The following PCDHA3 variants were observed in gnomAD, a reference collection of about 807,000 sequenced individuals.
PCDHA3 encodes the protein protocadherin alpha-3.
In PCDHA3, 41 loss-of-function variants were observed where a neutral mutation model predicts 62.2. The ratio of observed to expected loss-of-function variants is 0.66; its 90% CI spans 0.51 to 0.86. PCDHA3 has a LOEUF of 0.86. Ranked by LOEUF, PCDHA3 falls within the 40% of genes least tolerant of loss-of-function variation. PCDHA3 has a pLI of 0.00. For missense variants in PCDHA3, 1,304 were observed against 1,241.2 expected, an observed-to-expected ratio of 1.05 and a Z score of -0.76; for synonymous variants, 640 against 555.4, an observed-to-expected ratio of 1.15 and a Z score of -2.14.
chr5:140,932,346 A>G lies in PCDHA3; in HGVS notation c.2395-46603A>G, dbSNP rs529573484. 2.6e-5 allele frequency among the ~76,000 whole-genome samples: 4 copies of G among 152,072 alleles called. No homozygotes were observed. In the South Asian group the frequency reaches 6.2e-4, roughly 24 times the overall value. ...AGCAAAAATGCATGAAACACTTACCATACAACTGGCCTTATTAAATTTCCA... is the reference window on the plus strand; with the variant it reads ...AGCAAAAATGCATGAAACACTTACCGTACAACTGGCCTTATTAAATTTCCA... On this transcript the variant is annotated intron_variant, in intron 1 of 3. Coordinates refer to ENST00000522353, the MANE Select transcript of PCDHA3 (RefSeq NM_018906.3).
intron 3 of PCDHA3, 57 bp downstream of exon 3, chr5:140,982,620 C>T: frequency 2.5e-6 from 4 of 1,588,470 alleles, no homozygotes. Flanking sequence ...ATCAGATGAC[C>T]TACTTTTGTA....
At position 140,982,579 on chromosome 5, in the gene PCDHA3, C is replaced by G. The variant is rs781915481; in HGVS notation, c.2542+16C>G. 7 of 1,612,084 alleles carry G rather than the reference C, an allele frequency of 4.3e-6. No individual in the cohort carries two copies. In the Admixed American group the frequency reaches 1.2e-4, roughly 27 times the overall value. On this transcript the variant is annotated intron_variant, in intron 3 of 3. Coordinates refer to ENST00000522353, the MANE Select transcript of PCDHA3 (RefSeq NM_018906.3). ...GCAACACCAGGTAAAGAGCTGGGGT[C>G]TCTCCATTCTTTCTTGGTTTCTGGA...
rs2150125438 is a variant in PCDHA3, at chr5:140,823,390, G to T, written c.2394+19799G>T. On this transcript the variant is annotated intron_variant, in intron 1 of 3. Transcript: ENST00000522353. The stretch of plus-strand genomic sequence containing the variant: ...GCAGTTCCAGGTGAGCGCGCGCGAC[G>T]CGGGCGTGCCGCCTCTGGGCAGCAA... 8 of 1,612,786 alleles carry T rather than the reference G, an allele frequency of 5.0e-6. No individual in the cohort carries two copies. The Admixed American group carries it at 1.2e-4, about 24-fold the overall frequency.
intron 1 of PCDHA3, chr5:140,851,368 A>T: frequency 1.0e-6 from 1 of 976,356 alleles, no homozygotes; most frequent in Non-Finnish European, 1.2e-6. Flanking sequence ...TGAACATCTG[A>T]TTGTTCAGCA....
chr5:140,852,046 T>C, intron 1 of PCDHA3: 1 of 917,334 alleles, frequency 1.1e-6, no homozygotes, highest in South Asian at 5.0e-5. Flanking sequence ...TTTTGTTATG[T>C]GGTTTATATT....
rs1346891167 is a variant in PCDHA3 at position 140,801,872 on chromosome 5, G to A, written c.675G>A (p.Thr225=). The stretch of plus-strand genomic sequence containing the variant: ...GTGGGAAACCAGAGCTCACTGGCAC[G>A]ACTCAACTAAAGATCACTGTTTTAG... The part of the protein sequence containing the change: ...IDGGKPELTG[T]TQLKITVLDV... Residue 225 remains threonine (T), a synonymous_variant, in exon 1 of 4, where the codon ACG becomes ACA. Coordinates refer to ENST00000522353, the MANE Select transcript of PCDHA3 (RefSeq NM_018906.3). 5 of 1,613,932 alleles carry A rather than the reference G, an allele frequency of 3.1e-6. No individual in the cohort carries two copies. The highest frequency in any genetic ancestry group is 3.3e-5 in the Admixed American group (2 of 60,002).
At chr5:141,009,301 T>C (rs942481990) in intron 3 of PCDHA3, among the ~76,000 whole-genome samples, 1 of 152,122 alleles carries the variant, frequency 6.6e-6, no homozygotes, top group Admixed American at 6.5e-5. Flanking sequence ...TAAAATTTTT[T>C]TTAAAAAGCT....
At chr5:140,804,891 C>T in intron 1 of PCDHA3, 1 of 669,168 alleles carries the variant, frequency 1.5e-6, no homozygotes, top group Non-Finnish European at 2.3e-6. Flanking sequence ...CCTCTCCTTC[C>T]CCTCACTTCC....
intron 1 of PCDHA3, among the ~76,000 whole-genome samples, chr5:140,886,063 G>A (rs547299842): frequency 3.3e-5 from 5 of 152,172 alleles, no homozygotes; most frequent in East Asian, 1.9e-4. Flanking sequence ...TTACAAAAGC[G>A]TAGGGCCATA....
chr5:140,882,602 A>G lies in PCDHA3; in HGVS notation c.2394+79011A>G, dbSNP rs782347582. 1.9e-6 allele frequency: 3 copies of G among 1,614,276 alleles called. No homozygotes were observed. In the South Asian group the frequency reaches 3.3e-5, roughly 18 times the overall value. ...CATCCACCTGGAGGTGATCGTGGAC[A>G]GGCCTCTGCAGGTTTTCCATGTGGA... On this transcript the variant is annotated intron_variant, in intron 1 of 3. Coordinates refer to ENST00000522353, the MANE Select transcript of PCDHA3 (RefSeq NM_018906.3).
chr5:140,950,995 C>G (rs1554219713), intron 1 of PCDHA3, among the ~76,000 whole-genome samples: 1 of 151,856 alleles, frequency 6.6e-6, no homozygotes, highest in Non-Finnish European at 1.5e-5. Flanking sequence ...TCTTTTAGCT[C>G]CATTTTTCCC....
chr5:140,933,314 G>A (rs925777839), intron 1 of PCDHA3, among the ~76,000 whole-genome samples: 2 of 151,914 alleles, frequency 1.3e-5, no homozygotes, highest in Non-Finnish European at 2.9e-5. Flanking sequence ...ATGCAATCTC[G>A]TATTCTCCTG....
At chr5:140,905,878 C>T (rs1187937436) in intron 1 of PCDHA3, among the ~76,000 whole-genome samples, 2 of 152,054 alleles carry the variant, frequency 1.3e-5, no homozygotes, top group African/African-American at 2.4e-5. Flanking sequence ...CAAGGCCCAA[C>T]AATAGGCCAT....
At chr5:140,870,990 G>C in intron 1 of PCDHA3, 6 of 1,613,518 alleles carry the variant, frequency 3.7e-6, no homozygotes, top group Non-Finnish European at 5.1e-6. Flanking sequence ...ACACGGGCGA[G>C]ATAAGCACAA....
Position 140,801,897 on chromosome 5 carries a change from G to A in PCDHA3, c.700G>A (p.Asp234Asn). 1 of 1,614,178 alleles carries A rather than the reference G, an allele frequency of 6.2e-7. No individual in the cohort carries two copies. Among genetic ancestry groups the A allele is most frequent in the Non-Finnish European group, 8.5e-7 (1 of 1,180,030 alleles). Residue 234 changes from aspartate (D) to asparagine (N), a missense_variant, in exon 1 of 4, where the codon GAT (aspartate) becomes AAT (asparagine). Asp to Asn is a conservative substitution (Grantham distance 23, BLOSUM62 1). Coordinates refer to ENST00000522353, the MANE Select transcript of PCDHA3 (RefSeq NM_018906.3). ...GTTQLKITVLDVNDNAPAFER... is the reference protein window; with the variant it reads ...GTTQLKITVLNVNDNAPAFER... Reference sequence around the variant, plus strand: ...GACTCAACTAAAGATCACTGTTTTAGATGTAAACGACAACGCCCCAGCGTT... The same window carrying A: ...GACTCAACTAAAGATCACTGTTTTAAATGTAAACGACAACGCCCCAGCGTT...
intron 1 of PCDHA3, chr5:140,869,322 C>G (rs1169893950): frequency 6.2e-7 from 1 of 1,613,820 alleles, no homozygotes; most frequent in Admixed American, 1.7e-5. Flanking sequence ...CACATGGGGA[C>G]CTTCTGGAGG....
At chr5:140,870,590 G>A (rs1238282556) in intron 1 of PCDHA3, 3 of 1,613,446 alleles carry the variant, frequency 1.9e-6, no homozygotes, top group Non-Finnish European at 2.5e-6. Flanking sequence ...CTGGTGGAGC[G>A]GCGGTTGGGC....
intron 1 of PCDHA3, chr5:140,883,965 T>A (rs781999874): frequency 1.9e-6 from 3 of 1,613,128 alleles, no homozygotes; most frequent in Non-Finnish European, 2.5e-6. Context: ...CCGGCGCTGC[T>A]GACGCCCGGG....
intron 1 of PCDHA3, among the ~76,000 whole-genome samples, chr5:140,917,223 C>T (rs1351907671): frequency 2.0e-5 from 3 of 150,934 alleles, no homozygotes; most frequent in African/African-American, 4.9e-5. Flanking sequence ...TTTAGTGATA[C>T]GTTGTTAAAT....
Sources: gnomAD v4.1 joint callset for allele counts (sites outside exome capture counted in the v4.1 genomes callset) on GRCh38, gnomAD v4.1.1 for gene constraint, MANE v1.5 for transcripts, NCBI Gene and HGNC (gene_info 2026-07-23, HGNC 2026-07-21) for gene names.